VPS13B: variants seen among roughly 807,000 people sequenced by gnomAD.
VPS13B encodes the protein vacuolar protein sorting 13 homolog B, also known as intermembrane lipid transfer protein VPS13B.
VPS13B carries 285 observed loss-of-function variants against 426.4 expected under a neutral mutation model. That is an observed-to-expected ratio of 0.67 (90% CI 0.61 to 0.74). The LOEUF is 0.74. VPS13B is among the 30% of genes least tolerant of loss of function. The pLI, the probability that VPS13B is intolerant of heterozygous loss-of-function variation, is 0.00. For synonymous variants in VPS13B, 1,676 were observed against 1,676.4 expected, an observed-to-expected ratio of 1.00 and a Z score of 0.01; for missense variants, 4,537 against 4,782.6, an observed-to-expected ratio of 0.95 and a Z score of 1.51.
chr8:99,400,217 T>C (rs940151727), intron 21 of VPS13B, among the ~76,000 whole-genome samples: 1 of 152,122 alleles, frequency 6.6e-6, no homozygotes, highest in African/African-American at 2.4e-5. Flanking sequence ...ACTACCTCAC[T>C]CCCGTCCCAC....
At chr8:99,459,672 A>T (rs1323489015) in intron 23 of VPS13B, among the ~76,000 whole-genome samples, 1 of 152,216 alleles carries the variant, frequency 6.6e-6, no homozygotes, top group Non-Finnish European at 1.5e-5. Flanking sequence ...ATATCTAAAC[A>T]TAGAAAAGGC....
intron 35 of VPS13B, among the ~76,000 whole-genome samples, chr8:99,687,310 G>C (rs1187409745): frequency 6.6e-6 from 1 of 151,990 alleles, no homozygotes; most frequent in Admixed American, 6.5e-5. Context: ...TGGAGGAGGG[G>C]TGGCACAAGC....
chr8:99,247,906 G>C (rs1178929520), intron 17 of VPS13B, among the ~76,000 whole-genome samples: 1 of 152,104 alleles, frequency 6.6e-6, no homozygotes, highest in Non-Finnish European at 1.5e-5. Flanking sequence ...TATATGCATT[G>C]GTAATGTGTT....
intron 30 of VPS13B, among the ~76,000 whole-genome samples, chr8:99,544,751 T>C (rs1823868945): frequency 1.3e-5 from 2 of 152,186 alleles, no homozygotes; most frequent in South Asian, 4.1e-4. Flanking sequence ...CACAAGAGGT[T>C]TATATCAACT....
chr8:99,232,614 C>T (rs1265970259), intron 17 of VPS13B, among the ~76,000 whole-genome samples: 1 of 152,232 alleles, frequency 6.6e-6, no homozygotes, highest in Non-Finnish European at 1.5e-5. Flanking sequence ...CCTGCGTAAC[C>T]CGCAGGCCAC....
intron 55 of VPS13B, among the ~76,000 whole-genome samples, chr8:99,850,482 G>T (rs1168399881): frequency 6.6e-6 from 1 of 151,780 alleles, no homozygotes; most frequent in Non-Finnish European, 1.5e-5. Flanking sequence ...ACAGATGTGG[G>T]GTTAATGAGT....
At chr8:99,105,691 T>A (rs1847010210) in intron 5 of VPS13B, among the ~76,000 whole-genome samples, 1 of 152,218 alleles carries the variant, frequency 6.6e-6, no homozygotes, top group Non-Finnish European at 1.5e-5. Context: ...AAATTTAATT[T>A]TAGTATAGAA....
intron 19 of VPS13B, among the ~76,000 whole-genome samples, chr8:99,336,838 G>A (rs1810908604): frequency 6.6e-6 from 1 of 152,086 alleles, no homozygotes; most frequent in African/African-American, 2.4e-5. Flanking sequence ...AGATAGAATG[G>A]CGATCATTAA....
chr8:99,688,453 T>G (rs2130058794), intron 35 of VPS13B, among the ~76,000 whole-genome samples: 1 of 152,158 alleles, frequency 6.6e-6, no homozygotes, highest in African/African-American at 2.4e-5. Flanking sequence ...AATCAGTTTT[T>G]GGCTTGGGAC....
chr8:99,270,860 G>C (rs117956429), intron 17 of VPS13B, among the ~76,000 whole-genome samples: 1 of 152,144 alleles, frequency 6.6e-6, no homozygotes, highest in African/African-American at 2.4e-5. Flanking sequence ...TTGGAACAGG[G>C]TAAGTTATCT....
In VPS13B at chr8:99,809,548, C is replaced by G. The variant is rs1033594869; in HGVS notation, c.8097+18C>G. 3.1e-6 allele frequency: 5 copies of G among 1,613,820 alleles called. No homozygotes were observed. The highest frequency in any genetic ancestry group is 4.2e-6 in the Non-Finnish European group (5 of 1,179,836). On this transcript the variant is annotated intron_variant, in intron 44 of 61. Transcript: ENST00000357162. ...AAAAACAGGTAAGTTTCTTTGTGTTCATGACCCAGACACCTCTTAATTATT... is the reference window on the plus strand; with the variant it reads ...AAAAACAGGTAAGTTTCTTTGTGTTGATGACCCAGACACCTCTTAATTATT...
chr8:99,554,376 C>T (rs981744932), intron 30 of VPS13B, among the ~76,000 whole-genome samples: 1 of 152,000 alleles, frequency 6.6e-6, no homozygotes, highest in African/African-American at 2.4e-5. Context: ...CCATCAACTG[C>T]CTCAGATATT....
intron 33 of VPS13B, among the ~76,000 whole-genome samples, chr8:99,593,042 C>T (rs1303744615): frequency 6.6e-6 from 1 of 151,990 alleles, no homozygotes; most frequent in Non-Finnish European, 1.5e-5. Context: ...AGTAACCCAA[C>T]AAAAGCAAAA....
intron 25 of VPS13B, among the ~76,000 whole-genome samples, chr8:99,492,764 A>G (rs1232839786): frequency 6.6e-6 from 1 of 152,170 alleles, no homozygotes; most frequent in Non-Finnish European, 1.5e-5. Context: ...TCCTCCAGGT[A>G]CAGTCTGTCA....
intron 6 of VPS13B, among the ~76,000 whole-genome samples, chr8:99,111,952 T>G (rs1847393525): frequency 6.6e-6 from 1 of 152,118 alleles, no homozygotes; most frequent in African/African-American, 2.4e-5. Flanking sequence ...TTCCTCTCCC[T>G]CCTTCCCTCC....
intron 33 of VPS13B, among the ~76,000 whole-genome samples, chr8:99,602,429 C>T (rs540706142): frequency 1.3e-5 from 2 of 152,174 alleles, no homozygotes; most frequent in South Asian, 2.1e-4. Flanking sequence ...AGTCAGGTAA[C>T]GTGATGCCTC....
rs1022234916 is a variant in VPS13B, at chr8:99,832,576, A to C, written c.9538A>C (p.Ile3180Leu). 1 of 1,613,792 alleles carries C rather than the reference A, an allele frequency of 6.2e-7. No homozygotes were observed. Among genetic ancestry groups the C allele is most frequent in the African/African-American group, 1.3e-5 (1 of 74,826 alleles). Residue 3180 changes from isoleucine (I) to leucine (L), a missense_variant, in exon 52 of 62, where the codon ATA becomes CTA. Ile to Leu is a conservative substitution (Grantham distance 5, BLOSUM62 2). Transcript: ENST00000357162. ...DSSQCWSLPA[I>L]VRPEFPRQSV... The stretch of plus-strand genomic sequence containing the variant: ...CTCACAGTGCTGGAGCCTGCCAGCT[A>C]TAGTTAGACCAGAGTTTCCCAGACA...
chr8:99,507,914 A>T (rs1414190439), intron 28 of VPS13B: 1 of 1,613,904 alleles, frequency 6.2e-7, no homozygotes, highest in Non-Finnish European at 8.5e-7. Context: ...TTCCTTCTGT[A>T]AGAAATTACT....
At chr8:99,228,044 C>T (rs1238717845) in intron 17 of VPS13B, among the ~76,000 whole-genome samples, 5 of 152,056 alleles carry the variant, frequency 3.3e-5, no homozygotes, top group Non-Finnish European at 1.5e-5. Context: ...GCTTAGCCTT[C>T]CTTTCAAATA....
Sources: allele counts gnomAD v4.1 joint callset (sites outside exome capture counted in the v4.1 genomes callset), GRCh38; gene constraint gnomAD v4.1.1; transcripts MANE v1.5; gene names NCBI Gene and HGNC (gene_info 2026-07-23, HGNC 2026-07-21).